CAST: variants seen among roughly 807,000 people sequenced by gnomAD.
CAST encodes the protein calpastatin, also known as MIR583 host.
CAST carries 76 observed loss-of-function variants against 119.6 expected under a neutral mutation model. The ratio of observed to expected loss-of-function variants is 0.64; its 90% CI spans 0.53 to 0.77. The LOEUF is 0.77. CAST is among the 30% of genes least tolerant of loss of function. The pLI is 0.00. For synonymous variants in CAST, 319 were observed against 331.6 expected, an observed-to-expected ratio of 0.96 and a Z score of 0.41; for missense variants, 953 against 946.5, an observed-to-expected ratio of 1.01 and a Z score of -0.09.
At chr5:96,197,299 C>T in the CAST span, among the ~76,000 whole-genome samples, 6 of 152,256 alleles carry the variant, frequency 3.9e-5, no homozygotes, top group Admixed American at 3.3e-4. Context: ...ATTTTCTGTC[C>T]CAAGTGGAAC....
At chr5:96,552,886 A>G (rs1326962868) in intron 1 of CAST, among the ~76,000 whole-genome samples, 1 of 152,224 alleles carries the variant, frequency 6.6e-6, no homozygotes, top group East Asian at 1.9e-4. Flanking sequence ...TGAATAGACC[A>G]ATAACAAGTT....
At chr5:96,150,601 C>T in the CAST span, among the ~76,000 whole-genome samples, 1 of 152,138 alleles carries the variant, frequency 6.6e-6, no homozygotes, top group Non-Finnish European at 1.5e-5. Flanking sequence ...TGAGAATGGC[C>T]AGCCCTTCCA....
At chr5:96,618,662 G>T (rs541247602) in intron 1 of CAST, among the ~76,000 whole-genome samples, 7 of 151,552 alleles carry the variant, frequency 4.6e-5, no homozygotes, top group African/African-American at 1.7e-4. Flanking sequence ...CAGCTGTGGA[G>T]GGTGCGCTGG....
chr5:96,334,080 A>G, the CAST span, among the ~76,000 whole-genome samples: 1 of 152,202 alleles, frequency 6.6e-6, no homozygotes. Flanking sequence ...ATTGAGTTGT[A>G]TTAGGGCTGA....
At chr5:96,746,720 G>A (rs1763830492) in intron 17 of CAST, among the ~76,000 whole-genome samples, 1 of 152,116 alleles carries the variant, frequency 6.6e-6, no homozygotes, top group South Asian at 2.1e-4. Flanking sequence ...GAACAATTTG[G>A]GGATAATTTC....
the CAST span, among the ~76,000 whole-genome samples, chr5:96,268,297 C>T: frequency 6.6e-6 from 1 of 152,164 alleles, no homozygotes; most frequent in African/African-American, 2.4e-5. Context: ...GAGGACCCAA[C>T]TGCAGTGGCT....
intron 1 of CAST, among the ~76,000 whole-genome samples, chr5:96,576,370 A>G (rs1251646471): frequency 6.6e-6 from 1 of 152,020 alleles, no homozygotes; most frequent in Admixed American, 6.5e-5. Flanking sequence ...TTGGTGACAG[A>G]GTCTCACTCT....
chr5:96,397,631 T>C, the CAST span, among the ~76,000 whole-genome samples: 4 of 152,226 alleles, frequency 2.6e-5, no homozygotes, highest in Admixed American at 1.3e-4. Flanking sequence ...AAAAATATGA[T>C]GTTTTTATCT....
At chr5:96,731,546 C>T (rs1471166407) in intron 9 of CAST, among the ~76,000 whole-genome samples, 2 of 142,118 alleles carry the variant, frequency 1.4e-5, no homozygotes, top group African/African-American at 5.4e-5. Flanking sequence ...TACATGTGCA[C>T]ATTGTGCAGG....
the CAST span, among the ~76,000 whole-genome samples, chr5:96,296,943 T>C: frequency 6.6e-6 from 1 of 152,226 alleles, no homozygotes. Flanking sequence ...CTATTGCTTC[T>C]CTACATTCGA....
chr5:96,630,672 G>A (rs545060376), intron 1 of CAST, among the ~76,000 whole-genome samples: 2 of 152,124 alleles, frequency 1.3e-5, no homozygotes, highest in Non-Finnish European at 2.9e-5. Flanking sequence ...TGTAATCCCA[G>A]CTACTTGGGA....
intron 1 of CAST, among the ~76,000 whole-genome samples, chr5:96,652,399 G>A (rs1387316281): frequency 6.6e-6 from 1 of 152,176 alleles, no homozygotes; most frequent in Non-Finnish European, 1.5e-5. Context: ...GATAATTGGT[G>A]TAATACCATT....
chr5:96,309,047 C>G, the CAST span, among the ~76,000 whole-genome samples: 27 of 152,110 alleles, frequency 1.8e-4, no homozygotes, highest in African/African-American at 6.0e-4. Flanking sequence ...TCTGCTGAAG[C>G]TGTGCCCACA....
chr5:96,406,183 T>C, the CAST span, among the ~76,000 whole-genome samples: 1 of 152,184 alleles, frequency 6.6e-6, no homozygotes, highest in Non-Finnish European at 1.5e-5. Context: ...CCCTTCATTT[T>C]ATAGATGGAA....
the CAST span, among the ~76,000 whole-genome samples, chr5:96,370,984 C>G: frequency 6.6e-6 from 1 of 152,078 alleles, no homozygotes; most frequent in Admixed American, 6.6e-5. Context: ...TTCCGGGTAC[C>G]TATCTTTACA....
At chr5:96,452,640 T>TTAA in the CAST span, among the ~76,000 whole-genome samples, 4 of 90,140 alleles carry the variant, frequency 4.4e-5, no homozygotes, top group African/African-American at 5.1e-5. Flanking sequence ...TAAAGTATAA[T>TTAA]AAAAAAAAAA....
chr5:96,108,720 G>A, the CAST span, among the ~76,000 whole-genome samples: 2 of 152,372 alleles, frequency 1.3e-5, no homozygotes, highest in South Asian at 4.1e-4. Flanking sequence ...TACAGAGGCA[G>A]GCAGGCCTCC....
chr5:96,157,841 G>A, the CAST span, among the ~76,000 whole-genome samples: 2 of 152,168 alleles, frequency 1.3e-5, no homozygotes, highest in Non-Finnish European at 2.9e-5. Context: ...CATACCATAA[G>A]CTGATTATGT....
chr5:96,433,098 T>C, the CAST span: 2 of 1,550,100 alleles, frequency 1.3e-6, no homozygotes, highest in South Asian at 1.1e-5. Flanking sequence ...AGAAGCAAGA[T>C]AGGAGAAAAG....
Sources: gnomAD v4.1 joint callset for allele counts (sites outside exome capture counted in the v4.1 genomes callset) on GRCh38, gnomAD v4.1.1 for gene constraint, MANE v1.5 for transcripts, NCBI Gene and HGNC (gene_info 2026-07-23, HGNC 2026-07-21) for gene names.